Variants in HDX observed in about 807,000 individuals in gnomAD.
HDX encodes chromosome X open reading frame 43.
Under a neutral mutation model 45.2 loss-of-function variants are expected in HDX, and 19 were observed. That is an observed-to-expected ratio of 0.42 (90% CI 0.29 to 0.62). The LOEUF (loss-of-function observed/expected upper bound fraction) is 0.62, where lower values mean the gene tolerates loss of function less well. Among genes scored for constraint, HDX ranks in the 20% least tolerant of loss-of-function variants. HDX has a pLI of 0.20. For synonymous variants in HDX, 188 were observed against 172.8 expected (o/e 1.09, Z -0.69); for missense variants, 532 against 493.9 (o/e 1.08, Z -0.73).
intron 7 of HDX, among the ~76,000 whole-genome samples, chrX:84,338,779 C>T (rs2037021957): frequency 9.0e-6 from 1 of 111,084 alleles, no homozygotes; most frequent in Admixed American, 9.6e-5. Context: ...CAGTTGGAGC[C>T]TGGTGGGAGG....
In HDX at chrX:84,468,608, T is replaced by C. The variant is rs1357547941; in HGVS notation, c.1115A>G (p.His372Arg). 1.2e-5 allele frequency: 15 copies of C among 1,203,744 alleles called. No homozygotes were observed. Among genetic ancestry groups the C allele is most frequent in the Admixed American group, 2.2e-5 (1 of 45,768 alleles). ...ATGTAATGAGGTCCGTGGTGTCAAA[T>C]GGTAGTTTCTGTTTTGATACAGTAC... Reference protein sequence around the residue: ...DNVLYQNRNYHLTPRTSLHTA... With the variant: ...DNVLYQNRNYRLTPRTSLHTA... The change falls in exon 4 of 11, where the codon CAT becomes CGT. Residue 372 changes from histidine to arginine, a missense_variant. Around this residue, in one of 3 missense-constraint regions of HDX, gnomAD observed 376 missense variants for 343.7 expected, o/e 1.09. Coordinates refer to ENST00000373177, the MANE Select transcript of HDX (RefSeq NM_001177479.2).
At chrX:84,380,011 A>C (rs148558323) in intron 5 of HDX, among the ~76,000 whole-genome samples, 1 of 111,517 alleles carries the variant, frequency 9.0e-6, no homozygotes, top group East Asian at 2.8e-4. Context: ...ATACAAATAA[A>C]TAAATCAGAA....
intron 5 of HDX, among the ~76,000 whole-genome samples, chrX:84,376,609 A>G (rs1343768755): frequency 5.4e-5 from 6 of 111,994 alleles, no homozygotes; most frequent in Non-Finnish European, 1.1e-4. Flanking sequence ...CAGTACTTCC[A>G]TGGTCTGTGG....
intron 5 of HDX, among the ~76,000 whole-genome samples, chrX:84,421,839 A>C (rs1010890635): frequency 1.8e-5 from 2 of 111,419 alleles, no homozygotes; most frequent in African/African-American, 6.5e-5. Flanking sequence ...CTATATAATG[A>C]TAATTCAGCA....
chrX:84,408,379 G>C (rs1239631920), intron 5 of HDX, among the ~76,000 whole-genome samples: 3 of 109,785 alleles, frequency 2.7e-5, no homozygotes, highest in Non-Finnish European at 3.8e-5. Context: ...CTTTATTTCT[G>C]GGATTTTTAT....
chrX:84,481,076 A>G (rs2040666597), intron 2 of HDX, among the ~76,000 whole-genome samples: 1 of 111,334 alleles, frequency 9.0e-6, no homozygotes, highest in Admixed American at 9.6e-5. Flanking sequence ...TCTTTCAAGG[A>G]ATTGCTCCAT....
intron 3 of HDX, among the ~76,000 whole-genome samples, chrX:84,470,612 AATAT>A (rs1407104340): frequency 9.0e-6 from 1 of 111,421 alleles, no homozygotes; most frequent in East Asian, 2.8e-4. Flanking sequence ...TTATACAATA[AATAT>A]ATATTTTGTA....
intron 9 of HDX, among the ~76,000 whole-genome samples, chrX:84,328,323 G>T (rs767642781): frequency 9.0e-6 from 1 of 110,987 alleles, no homozygotes; most frequent in East Asian, 2.9e-4. Flanking sequence ...GGTGAGCCAT[G>T]ATCATACCAC....
At chrX:84,337,109 C>T (rs1318779213) in intron 7 of HDX, among the ~76,000 whole-genome samples, 5 of 106,010 alleles carry the variant, frequency 4.7e-5, no homozygotes, top group East Asian at 6.7e-4. Context: ...ACTGAAAAAA[C>T]GGACAAAAAC....
intron 4 of HDX, among the ~76,000 whole-genome samples, chrX:84,465,720 G>A (rs994214146): frequency 8.1e-5 from 9 of 111,790 alleles, no homozygotes; most frequent in African/African-American, 1.3e-4. Context: ...ACCTAATGTA[G>A]ATGATGGGTT....
intron 5 of HDX, among the ~76,000 whole-genome samples, chrX:84,373,853 C>A (rs1401727810): frequency 9.0e-6 from 1 of 110,819 alleles, no homozygotes; most frequent in African/African-American, 3.3e-5. Context: ...TGGCACAAGA[C>A]AGGGATGCCC....
chrX:84,342,582 A>T lies in HDX; in HGVS notation c.1660+1668T>A, dbSNP rs750594202. On this transcript the variant is annotated intron_variant, in intron 7 of 10. Transcript: ENST00000373177. Reference sequence around the variant, plus strand: ...GTGTGTGTATTTAATAAAAAGCTACATTCCAACTCACTGGTAAAAGATGAG... The same window carrying T: ...GTGTGTGTATTTAATAAAAAGCTACTTTCCAACTCACTGGTAAAAGATGAG... Among the ~76,000 whole-genome samples, 182 of 110,573 alleles carry T rather than the reference A, an allele frequency of 1.6e-3. 1 individual carries two copies. Among genetic ancestry groups the T allele is most frequent in the African/African-American group, 5.6e-3 (171 of 30,446 alleles).
At chrX:84,422,032 A>G (rs1480380965) in intron 5 of HDX, among the ~76,000 whole-genome samples, 4 of 110,603 alleles carry the variant, frequency 3.6e-5, no homozygotes, top group Non-Finnish European at 7.6e-5. Flanking sequence ...AAAAAAAGAC[A>G]TAATCTTCAG....
At chrX:84,371,338 G>A (rs994234248) in intron 5 of HDX, among the ~76,000 whole-genome samples, 1 of 112,046 alleles carries the variant, frequency 8.9e-6, no homozygotes, top group African/African-American at 3.2e-5. Flanking sequence ...AAATAAATCA[G>A]GTTCATATTC....
intron 1 of HDX, among the ~76,000 whole-genome samples, chrX:84,490,329 A>G (rs971847017): frequency 9.0e-6 from 1 of 111,518 alleles, no homozygotes; most frequent in African/African-American, 3.2e-5. Flanking sequence ...TGTTAAAGTG[A>G]CCCTCAAGTA....
chrX:84,475,113 A>G (rs1017664815), intron 3 of HDX, 138 bp downstream of exon 3: 2 of 467,534 alleles, frequency 4.3e-6, no homozygotes, highest in Non-Finnish European at 7.2e-6. Flanking sequence ...TTTATTTTTA[A>G]AATAGTATTG....
chrX:84,377,389 C>T (rs762739872), intron 5 of HDX, among the ~76,000 whole-genome samples: 2 of 111,158 alleles, frequency 1.8e-5, no homozygotes, highest in African/African-American at 6.6e-5. Context: ...CATGAACTCA[C>T]CAAATGAAGA....
chrX:84,448,742 G>C (rs1450181492), intron 4 of HDX, among the ~76,000 whole-genome samples: 2 of 110,622 alleles, frequency 1.8e-5, no homozygotes, highest in Non-Finnish European at 3.8e-5. Flanking sequence ...GAAAAGACAA[G>C]GAAATATGAT....
intron 4 of HDX, among the ~76,000 whole-genome samples, chrX:84,462,312 T>C (rs980481258): frequency 8.9e-6 from 1 of 112,086 alleles, no homozygotes; most frequent in Non-Finnish European, 1.9e-5. Context: ...GTGGTACGTA[T>C]ACACAATGGA....
Sources: allele counts gnomAD v4.1 joint callset (sites outside exome capture counted in the v4.1 genomes callset), GRCh38; gene constraint gnomAD v4.1.1; regional missense constraint gnomAD v4.1.1; transcripts MANE v1.5; gene names NCBI Gene and HGNC (gene_info 2026-07-23, HGNC 2026-07-21).